The following CNTLN variants were observed in gnomAD, a reference collection of about 807,000 sequenced individuals.
The protein encoded by CNTLN is centlein, centrosomal protein.
A neutral mutation model predicts 180.0 loss-of-function variants in CNTLN; 212 were observed. The observed-to-expected ratio is 1.18, with a 90% CI of 1.05 to 1.32. The LOEUF is 1.32. CNTLN is among the 40% of genes most tolerant of loss of function. The pLI is 0.00. For missense variants in CNTLN, 2,095 were observed against 1,610.9 expected, an observed-to-expected ratio of 1.30 and a Z score of -5.14; for synonymous variants, 722 against 563.1, an observed-to-expected ratio of 1.28 and a Z score of -3.99.
intron 23 of CNTLN, among the ~76,000 whole-genome samples, chr9:17,480,266 G>T (rs796436851): frequency 7.3e-5 from 11 of 151,408 alleles, no homozygotes; most frequent in African/African-American, 2.4e-4. Context: ...AACATCCAAA[G>T]AACTGATTTA....
rs1031263700 is a variant in CNTLN at position 17,301,762 on chromosome 9, A to G, written c.1146+3410A>G. 76 of 969,128 alleles carry G rather than the reference A, an allele frequency of 7.8e-5. No individual in the cohort carries two copies. In the African/African-American group the frequency reaches 9.7e-4, roughly 12 times the overall value. The allele number at this position is 969,128 out of a possible 1,614,324, so 60.0% of individuals were successfully genotyped here. A position where few individuals can be genotyped will look rare whatever the true frequency, so the allele number is the denominator to read the frequency against. ...TTGTCTACAGTTAGTAGACATTACA[A>G]TTGTTTTGGTGGCTGTATGTAGTTA... On this transcript the variant is annotated intron_variant, in intron 7 of 25. Coordinates refer to ENST00000380647, the MANE Select transcript of CNTLN (RefSeq NM_017738.4).
intron 2 of CNTLN, among the ~76,000 whole-genome samples, chr9:17,151,664 G>C (rs933615492): frequency 1.3e-5 from 2 of 152,154 alleles, no homozygotes; most frequent in African/African-American, 4.8e-5. Context: ...TCAGGATGAT[G>C]CTGGCCTCAT....
chr9:17,265,206 A>G (rs1206181247), intron 5 of CNTLN, among the ~76,000 whole-genome samples: 1 of 150,754 alleles, frequency 6.6e-6, no homozygotes, highest in Non-Finnish European at 1.5e-5. Flanking sequence ...TTATTTTGAA[A>G]TACGTCCCAT....
chr9:17,161,909 A>G (rs1375962431), intron 2 of CNTLN, among the ~76,000 whole-genome samples: 1 of 151,372 alleles, frequency 6.6e-6, no homozygotes, highest in African/African-American at 2.4e-5. Flanking sequence ...TTTTTTCATT[A>G]CATTTGCTTC....
At chr9:17,271,435 A>G (rs982608490) in intron 5 of CNTLN, among the ~76,000 whole-genome samples, 2 of 152,086 alleles carry the variant, frequency 1.3e-5, no homozygotes, top group Admixed American at 1.3e-4. Context: ...TTAGTATTAC[A>G]AATGAAGTTC....
chr9:17,222,247 C>T (rs1824184900), intron 2 of CNTLN, among the ~76,000 whole-genome samples: 1 of 152,058 alleles, frequency 6.6e-6, no homozygotes, highest in Admixed American at 6.6e-5. Context: ...TTTTCTTTCT[C>T]ACTTGAACTC....
At chr9:17,223,687 G>C (rs956293472) in intron 2 of CNTLN, among the ~76,000 whole-genome samples, 21 of 151,582 alleles carry the variant, frequency 1.4e-4, no homozygotes, top group African/African-American at 5.1e-4. Context: ...TTGTCTTTTT[G>C]CTTTCTCCCT....
intron 2 of CNTLN, among the ~76,000 whole-genome samples, chr9:17,213,421 C>T (rs939055461): frequency 6.6e-6 from 1 of 152,124 alleles, no homozygotes; most frequent in Non-Finnish European, 1.5e-5. Context: ...GTCTGAGAGA[C>T]AGTTTGTTAT....
intron 5 of CNTLN, among the ~76,000 whole-genome samples, chr9:17,241,286 A>G (rs7043703): frequency 0.21 from 31,283 of 152,064 alleles, 4,090 homozygotes; most frequent in African/African-American, 0.36. Context: ...ATGTATATCC[A>G]TTTCCCAGCA....
chr9:17,245,440 GT>G lies in CNTLN; in HGVS notation c.849+8866del, dbSNP rs553099095. Among the ~76,000 whole-genome samples, 846 of 132,124 alleles carry G rather than the reference GT, an allele frequency of 6.4e-3. 3 individuals are homozygous for G. The highest frequency in any genetic ancestry group is 0.02 in the African/African-American group (719 of 36,192). 86.7% of individuals were successfully genotyped at this position (132,124 alleles called of 152,430 possible). ...TAGAGGTCCATTGTATGTTATTTGT[GT>G]TTTTTTTTTTTTTCTGCTGTCAGTA... On this transcript the variant is annotated intron_variant, in intron 5 of 25. Transcript: ENST00000380647.
chr9:17,354,014 G>A (rs989530697), intron 12 of CNTLN, among the ~76,000 whole-genome samples: 5 of 152,184 alleles, frequency 3.3e-5, no homozygotes, highest in Non-Finnish European at 5.9e-5. Flanking sequence ...TGGGCTTGGC[G>A]GCCCCGCACT....
intron 2 of CNTLN, among the ~76,000 whole-genome samples, chr9:17,172,096 G>A (rs953239736): frequency 6.6e-6 from 1 of 152,142 alleles, no homozygotes; most frequent in African/African-American, 2.4e-5. Flanking sequence ...TGTTGCATAT[G>A]TGAGGTTGCG....
chr9:17,235,392 T>C (rs1825077769), intron 3 of CNTLN, among the ~76,000 whole-genome samples: 1 of 152,138 alleles, frequency 6.6e-6, no homozygotes, highest in African/African-American at 2.4e-5. Flanking sequence ...GTTACACACC[T>C]AAATTTTGAA....
At chr9:17,330,851 T>C (rs774371963) in intron 9 of CNTLN, 43 bp downstream of exon 9, 1 of 1,537,562 alleles carries the variant, frequency 6.5e-7, no homozygotes, top group Admixed American at 2.0e-5. Flanking sequence ...AGGATGAGGC[T>C]GGAAAGACAA....
chr9:17,338,357 G>T (rs1456647295), intron 10 of CNTLN, among the ~76,000 whole-genome samples: 17 of 13,866 alleles, frequency 1.2e-3, no homozygotes, highest in East Asian at 3.2e-3. Flanking sequence ...TTTTTTTTTA[G>T]AGATGGGGTT....
chr9:17,302,636 A>G (rs1818452867), intron 7 of CNTLN, among the ~76,000 whole-genome samples: 1 of 152,216 alleles, frequency 6.6e-6, no homozygotes, highest in South Asian at 2.1e-4. Flanking sequence ...AACTTGAGAC[A>G]TTGCATGCTA....
At chr9:17,472,541 C>T (rs1343685368) in intron 23 of CNTLN, among the ~76,000 whole-genome samples, 2 of 152,070 alleles carry the variant, frequency 1.3e-5, no homozygotes, top group Admixed American at 6.6e-5. Context: ...CATCATCATA[C>T]CCCTGATGTA....
intron 5 of CNTLN, among the ~76,000 whole-genome samples, chr9:17,259,405 A>G (rs1397740320): frequency 1.5e-5 from 2 of 134,606 alleles, no homozygotes; most frequent in Non-Finnish European, 3.2e-5. Context: ...TTTTGCATCA[A>G]TGTTCATCCG....
chr9:17,415,389 C>T (rs567154076), intron 16 of CNTLN, among the ~76,000 whole-genome samples: 99 of 152,150 alleles, frequency 6.5e-4, no homozygotes, highest in African/African-American at 2.2e-3. Flanking sequence ...ACTTTTGTTA[C>T]GGTTACCATA....
Sources: allele counts gnomAD v4.1 joint callset (sites outside exome capture counted in the v4.1 genomes callset), GRCh38; gene constraint gnomAD v4.1.1; transcripts MANE v1.5; gene names NCBI Gene and HGNC (gene_info 2026-07-23, HGNC 2026-07-21).